SAMHD1: variants seen among roughly 807,000 people sequenced by gnomAD.
SAMHD1 encodes SAM and HD domain containing deoxynucleoside triphosphate triphosphohydrolase 1.
In SAMHD1, 54 loss-of-function variants were observed where a neutral mutation model predicts 79.6. The ratio of observed to expected loss-of-function variants is 0.68; its 90% CI spans 0.55 to 0.85. The LOEUF (loss-of-function observed/expected upper bound fraction) is 0.85. Among genes scored for constraint, SAMHD1 ranks in the 40% least tolerant of loss-of-function variants. The pLI, the probability that SAMHD1 is intolerant of heterozygous loss-of-function variation, is 0.00. For synonymous variants in SAMHD1, 260 were observed against 264.1 expected (o/e 0.98, Z 0.15); for missense variants, 663 against 782.7 (o/e 0.85, Z 1.82).
chr20:36,951,378 G>T, intron 1 of SAMHD1, 58 bp downstream of exon 1: 5 of 1,605,658 alleles, frequency 3.1e-6, no homozygotes, highest in Non-Finnish European at 4.2e-6. Context: ...CCCTCAGGGC[G>T]CCTGGCCCGC....
At chr20:36,912,894 T>TTG (rs1555833555) in intron 9 of SAMHD1, among the ~76,000 whole-genome samples, 2 of 128,046 alleles carry the variant, frequency 1.6e-5, no homozygotes, top group Non-Finnish European at 3.2e-5. Context: ...TCTTTGTTTT[T>TTG]TTTTTTTTTT....
intron 3 of SAMHD1, among the ~76,000 whole-genome samples, chr20:36,937,366 A>T (rs2063611203): frequency 6.6e-6 from 1 of 152,158 alleles, no homozygotes; most frequent in Non-Finnish European, 1.5e-5. Context: ...GAACAAAAAA[A>T]ATATAAATTG....
Position 36,930,892 on chromosome 20 carries a change from CA to C in SAMHD1, c.510-18del, listed in dbSNP as rs772577201. Reference sequence around the variant, plus strand: ...TACCCCACCCTGCAGAGCAAAAACACAAAAAGTCACTTTTCTGTTTGCAAGA... The same window carrying C: ...TACCCCACCCTGCAGAGCAAAAACACAAAAGTCACTTTTCTGTTTGCAAGA... On this transcript the variant is annotated intron_variant, in intron 4 of 15. Transcript: ENST00000646673. 2.1e-5 allele frequency: 33 copies of C among 1,547,600 alleles called. No homozygotes were observed. The South Asian group carries it at 3.1e-4, about 15-fold the overall frequency.
intron 2 of SAMHD1, among the ~76,000 whole-genome samples, chr20:36,944,164 G>A (rs895178983): frequency 1.4e-5 from 2 of 143,274 alleles, no homozygotes; most frequent in Non-Finnish European, 3.0e-5. Flanking sequence ...TGGCTAACAC[G>A]ATGAAACCCC....
intron 6 of SAMHD1, among the ~76,000 whole-genome samples, chr20:36,921,829 C>T (rs2146122090): frequency 6.6e-6 from 1 of 151,968 alleles, no homozygotes; most frequent in Middle Eastern, 3.4e-3. Context: ...GCTGGGATTA[C>T]AGGTGCCCAC....
Position 36,892,927 on chromosome 20 carries a change from G to GAC in SAMHD1, c.*3_*4dup. 1 of 1,614,020 alleles carries GAC rather than the reference G, an allele frequency of 6.2e-7. No homozygotes were observed. The highest frequency in any genetic ancestry group is 1.3e-5 in the African/African-American group (1 of 74,990). On this transcript the variant is annotated 3_prime_UTR_variant, in exon 16 of 16. Coordinates refer to ENST00000646673, the MANE Select transcript of SAMHD1 (RefSeq NM_015474.4). ...GGGAGTTTGTAAACAACTGACTACAGACATTCACATTGGGTCATCTTTAAA... is the reference window on the plus strand; with the variant it reads ...GGGAGTTTGTAAACAACTGACTACAGACACATTCACATTGGGTCATCTTTAAA...
chr20:36,951,339 T>G, intron 1 of SAMHD1, 97 bp downstream of exon 1: 1 of 1,555,224 alleles, frequency 6.4e-7, no homozygotes, highest in Non-Finnish European at 8.7e-7. Context: ...GGCTCGCTCC[T>G]CGGCCTCGGT....
intron 4 of SAMHD1, among the ~76,000 whole-genome samples, chr20:36,931,711 C>T (rs905488969): frequency 2.0e-5 from 3 of 150,538 alleles, no homozygotes; most frequent in African/African-American, 4.9e-5. Flanking sequence ...CTCAAAATAG[C>T]CAAGAGGTAA....
In SAMHD1 at chr20:36,947,405, GGTGTGTGT is replaced by G. The variant is rs771698070; in HGVS notation, c.209-609_209-602del. On this transcript the variant is annotated intron_variant, in intron 1 of 15. Transcript: ENST00000646673. ...GAAGAGGTGTGTGTGATTTGGAAGA[GGTGTGTGT>G]GTGTGTGTGTGTGTGTGTGTGTGTG... 3.8e-3 allele frequency among the ~76,000 whole-genome samples: 110 copies of G among 29,120 alleles called. 5 individuals carry two copies. Among genetic ancestry groups the G allele is most frequent in the African/African-American group, 0.02 (81 of 4,148 alleles). The allele number at this position is 29,120 out of a possible 152,430, so 19.1% of individuals were successfully genotyped here.
rs1348886010 is a variant in SAMHD1, at chr20:36,919,419, C to A, written c.797G>T (p.Cys266Phe). ...TCCTACAATTTGTTCCTTTATAAAGCAAATATCTTCTTCAGGGATGAGACC... is the reference window on the plus strand; with the variant it reads ...TCCTACAATTTGTTCCTTTATAAAGAAAATATCTTCTTCAGGGATGAGACC... ...QYGLIPEEDI[C>F]FIKEQIVGPL... is the part of the protein sequence containing the mutation. The change falls in exon 7 of 16, where the codon TGC becomes TTC. Residue 266 changes from cysteine to phenylalanine, a missense_variant. Transcript: ENST00000646673. 2 of 1,613,428 alleles carry A rather than the reference C, an allele frequency of 1.2e-6. No individual in the cohort carries two copies. The highest frequency in any genetic ancestry group is 1.7e-5 in the Admixed American group (1 of 59,990).
At chr20:36,920,705 G>A (rs1214166780) in intron 6 of SAMHD1, among the ~76,000 whole-genome samples, 2 of 150,658 alleles carry the variant, frequency 1.3e-5, no homozygotes, top group East Asian at 3.9e-4. Flanking sequence ...GGAGGTTGCA[G>A]TGAGCCGAGA....
At position 36,935,130 on chromosome 20, in the gene SAMHD1, A is replaced by G. The variant is rs2146137567; in HGVS notation, c.408T>C (p.Ile136=). The change falls in exon 4 of 16, where the codon ATT becomes ATC. Residue 136 remains isoleucine, a synonymous_variant. Coordinates refer to ENST00000646673, the MANE Select transcript of SAMHD1 (RefSeq NM_015474.4). ...GAAGACGTTGAAATTGAGGTGTATC[A>G]ATGATTCGGACGAGGAGAGGGTGGA... ...IELHPLLVRI[I]DTPQFQRLRY... is the part of the protein sequence containing the mutation. The G allele has an allele frequency of 6.2e-7, 1 of 1,613,876 alleles. No homozygotes were observed. Among genetic ancestry groups the G allele is most frequent in the Non-Finnish European group, 8.5e-7 (1 of 1,179,752 alleles).
chr20:36,893,441 A>G (rs560984738), intron 15 of SAMHD1: 16 of 326,190 alleles, frequency 4.9e-5, no homozygotes, highest in African/African-American at 3.2e-4. Flanking sequence ...TCCCCTCTGC[A>G]ATAAAAGGCC....
chr20:36,938,739 T>A (rs908629247), intron 3 of SAMHD1, among the ~76,000 whole-genome samples: 28 of 148,730 alleles, frequency 1.9e-4, no homozygotes, highest in African/African-American at 7.0e-4. Context: ...AGGAAGCTGA[T>A]TTAGGCTGAG....
At chr20:36,900,249 A>C (rs1267367370) in intron 13 of SAMHD1, among the ~76,000 whole-genome samples, 2 of 152,056 alleles carry the variant, frequency 1.3e-5, no homozygotes, top group Non-Finnish European at 2.9e-5. Flanking sequence ...AGTTAACAGT[A>C]ATTTCCTTTT....
At chr20:36,922,023 T>C (rs1257946736) in intron 6 of SAMHD1, among the ~76,000 whole-genome samples, 2 of 152,274 alleles carry the variant, frequency 1.3e-5, no homozygotes, top group East Asian at 1.9e-4. Context: ...CTACCAAAAA[T>C]GCATAGCTTG....
chr20:36,935,273 A>T, intron 3 of SAMHD1, 84 bp from the exon 4 acceptor site: 1 of 1,089,098 alleles, frequency 9.2e-7, no homozygotes, highest in South Asian at 1.3e-5. Context: ...ATTATAGTGC[A>T]AAGTCAAAGC....
At chr20:36,949,755 CAAAAAAAAA>C (rs34682795) in intron 1 of SAMHD1, among the ~76,000 whole-genome samples, 5 of 69,798 alleles carry the variant, frequency 7.2e-5, no homozygotes, top group African/African-American at 1.2e-4. Context: ...GACTCTGTCT[CAAAAAAAAA>C]AAAAAAAAAA....
chr20:36,921,392 C>CAAAAA (rs34384942), intron 6 of SAMHD1, among the ~76,000 whole-genome samples: 9 of 55,066 alleles, frequency 1.6e-4, no homozygotes, highest in African/African-American at 2.9e-4. Flanking sequence ...GACTCTGTCT[C>CAAAAA]AAAAAAAAAA....
Sources: allele counts gnomAD v4.1 joint callset (sites outside exome capture counted in the v4.1 genomes callset), GRCh38; gene constraint gnomAD v4.1.1; transcripts MANE v1.5; gene names NCBI Gene and HGNC (gene_info 2026-07-23, HGNC 2026-07-21).